The following ENOX1 variants were observed in gnomAD, a reference collection of about 807,000 sequenced individuals.
The protein encoded by ENOX1 is ecto-NOX disulfide-thiol exchanger 1, also known as candidate growth-related and time keeping constitutive hydroquinone (NADH) oxidase.
A neutral mutation model predicts 82.5 loss-of-function variants in ENOX1; 42 were observed. The observed-to-expected ratio is 0.51, with a 90% CI of 0.40 to 0.66. ENOX1 has a LOEUF of 0.66. Among genes scored for constraint, ENOX1 ranks in the 30% least tolerant of loss-of-function variants. ENOX1 has a pLI of 0.00. For missense variants in ENOX1, 608 were observed against 811.6 expected, an observed-to-expected ratio of 0.75 and a Z score of 3.05; for synonymous variants, 271 against 282.2, an observed-to-expected ratio of 0.96 and a Z score of 0.40.
intron 14 of ENOX1, among the ~76,000 whole-genome samples, chr13:43,252,230 C>G (rs1002183230): frequency 2.0e-5 from 3 of 152,170 alleles, no homozygotes; most frequent in African/African-American, 7.2e-5. Flanking sequence ...CTGAGCATCA[C>G]GGCCACAAGT....
intron 3 of ENOX1, among the ~76,000 whole-genome samples, chr13:43,481,535 T>C (rs905221286): frequency 2.6e-5 from 4 of 152,058 alleles, no homozygotes; most frequent in Non-Finnish European, 5.9e-5. Flanking sequence ...AAGAATTAAA[T>C]ATAAGATTTG....
intron 16 of ENOX1, among the ~76,000 whole-genome samples, chr13:43,218,042 G>A (rs2041582074): frequency 6.6e-6 from 1 of 152,190 alleles, no homozygotes; most frequent in Non-Finnish European, 1.5e-5. Context: ...TTTACAGATG[G>A]TGGAACTTAG....
In ENOX1 at chr13:43,633,688, ATGTGTGTG is replaced by A. The variant is rs59390732; in HGVS notation, c.-219+33783_-219+33790del. On this transcript the variant is annotated intron_variant, in intron 2 of 16. Transcript: ENST00000690772. The stretch of plus-strand genomic sequence containing the variant: ...GCTATTTACATTTTAAAATGTGTGT[ATGTGTGTG>A]TGTGTGTGTGTGTGTGTGGATAGGT... Among the ~76,000 whole-genome samples, 8 of 150,098 alleles carry A rather than the reference ATGTGTGTG, an allele frequency of 5.3e-5. No homozygotes were observed. In the South Asian group the frequency reaches 6.3e-4, roughly 12 times the overall value.
chr13:43,230,842 G>A (rs1293120877), intron 15 of ENOX1, among the ~76,000 whole-genome samples: 3 of 152,198 alleles, frequency 2.0e-5, no homozygotes, highest in Non-Finnish European at 4.4e-5. Flanking sequence ...GTTACCCGAT[G>A]AGAATAAACT....
chr13:43,217,322 C>A (rs1332121174), intron 16 of ENOX1, among the ~76,000 whole-genome samples: 1 of 152,196 alleles, frequency 6.6e-6, no homozygotes, highest in Non-Finnish European at 1.5e-5. Context: ...GGCTCACACA[C>A]GTTCATATTG....
chr13:43,236,913 T>A (rs891214562), intron 14 of ENOX1, among the ~76,000 whole-genome samples, 175 bp from the exon 15 acceptor site: 2 of 152,272 alleles, frequency 1.3e-5, no homozygotes, highest in African/African-American at 4.8e-5. Context: ...AGTAATTATG[T>A]AAAGTTAGGC....
At chr13:43,434,761 T>C (rs1395390341) in intron 3 of ENOX1, among the ~76,000 whole-genome samples, 2 of 152,132 alleles carry the variant, frequency 1.3e-5, no homozygotes, top group Non-Finnish European at 2.9e-5. Flanking sequence ...AGGATGAGGC[T>C]AAAATGAGTA....
chr13:43,307,974 A>G (rs1020693809), intron 11 of ENOX1, among the ~76,000 whole-genome samples: 1 of 152,106 alleles, frequency 6.6e-6, no homozygotes, highest in Non-Finnish European at 1.5e-5. Flanking sequence ...TGCTTACCAC[A>G]CCAGTCTCTA....
At position 43,778,484 on chromosome 13, in the gene ENOX1, C is replaced by T. The variant is rs571584924; in HGVS notation, c.-285+8168G>A. The stretch of plus-strand genomic sequence containing the variant: ...TAGGCTATCAAAGCATCAGGGAAAA[C>T]AACAGATACAAATGCACAGAGTCAT... On this transcript the variant is annotated intron_variant, in intron 1 of 16. Transcript: ENST00000690772. Among the ~76,000 whole-genome samples the T allele has an allele frequency of 5.9e-5, 9 of 152,196 alleles. No homozygotes were observed. The East Asian group carries it at 1.7e-3, about 29-fold the overall frequency.
chr13:43,672,837 T>C (rs2085332269), intron 1 of ENOX1, among the ~76,000 whole-genome samples: 1 of 152,148 alleles, frequency 6.6e-6, no homozygotes, highest in South Asian at 2.1e-4. Flanking sequence ...TCATCCTTAT[T>C]TCCAGAAAGA....
At chr13:43,509,285 G>A (rs894403432) in intron 2 of ENOX1, among the ~76,000 whole-genome samples, 1 of 152,008 alleles carries the variant, frequency 6.6e-6, no homozygotes, top group Non-Finnish European at 1.5e-5. Context: ...TAGAGAAAGA[G>A]GAACACTGGT....
chr13:43,645,495 A>G (rs964706126), intron 2 of ENOX1, among the ~76,000 whole-genome samples: 2 of 152,186 alleles, frequency 1.3e-5, no homozygotes, highest in African/African-American at 4.8e-5. Context: ...GGCATCATCC[A>G]TTGTCAAAGT....
In ENOX1 at chr13:43,269,495, G is replaced by A. The variant is rs773031169; in HGVS notation, c.1529C>T (p.Ala510Val). Reference sequence around the variant, plus strand: ...TTGTTCCTGCAGGACTTTTAGTAACGCTTGTGTATGGGACTGCTCTTCCTT... The same window carrying A: ...TTGTTCCTGCAGGACTTTTAGTAACACTTGTGTATGGGACTGCTCTTCCTT... Reference protein sequence around the residue: ...QAKEEQSHTQALLKVLQEQLK... With the variant: ...QAKEEQSHTQVLLKVLQEQLK... The change falls in exon 13 of 17, where the codon GCG becomes GTG. Residue 510 changes from alanine to valine, a missense_variant. Coordinates refer to ENST00000690772, the MANE Select transcript of ENOX1 (RefSeq NM_001347969.2). 2.2e-5 allele frequency: 36 copies of A among 1,613,642 alleles called. No individual in the cohort carries two copies. Among genetic ancestry groups the A allele is most frequent in the Middle Eastern group, 3.3e-4 (2 of 6,078 alleles).
At chr13:43,775,750 C>T (rs952567182) in intron 1 of ENOX1, among the ~76,000 whole-genome samples, 10 of 152,118 alleles carry the variant, frequency 6.6e-5, no homozygotes, top group Non-Finnish European at 8.8e-5. Context: ...GGGGCCTACA[C>T]GGTTGCAACC....
intron 2 of ENOX1, among the ~76,000 whole-genome samples, chr13:43,645,719 T>C (rs926932108): frequency 1.2e-5 from 1 of 85,582 alleles, no homozygotes; most frequent in East Asian, 3.3e-4. Context: ...ACTCAGTAAG[T>C]GAAAAGAATT....
At chr13:43,639,492 TTCC>T (rs1259753132) in intron 2 of ENOX1, among the ~76,000 whole-genome samples, 1 of 152,128 alleles carries the variant, frequency 6.6e-6, no homozygotes, top group African/African-American at 2.4e-5. Context: ...CCTGATTCAA[TTCC>T]TATTTATCAA....
chr13:43,268,237 CA>C (rs2153480551), intron 13 of ENOX1, among the ~76,000 whole-genome samples: 1 of 152,176 alleles, frequency 6.6e-6, no homozygotes, highest in South Asian at 2.1e-4. Context: ...TGATTTGGAG[CA>C]AATTTGGACC....
intron 2 of ENOX1, among the ~76,000 whole-genome samples, chr13:43,551,651 C>T (rs985411560): frequency 6.6e-6 from 1 of 152,102 alleles, no homozygotes; most frequent in Non-Finnish European, 1.5e-5. Flanking sequence ...GACTGAAAAG[C>T]AAAAGAACAT....
At chr13:43,755,081 T>TAAA in intron 1 of ENOX1, among the ~76,000 whole-genome samples, 1 of 147,534 alleles carries the variant, frequency 6.8e-6, no homozygotes, top group East Asian at 2.0e-4. Flanking sequence ...CTCAGGAGAT[T>TAAA]AAAAAAAAAA....
Sources: allele counts gnomAD v4.1 joint callset (sites outside exome capture counted in the v4.1 genomes callset), GRCh38; gene constraint gnomAD v4.1.1; transcripts MANE v1.5; gene names NCBI Gene and HGNC (gene_info 2026-07-23, HGNC 2026-07-21).